ACBD6: variants seen among roughly 807,000 people sequenced by gnomAD.
The protein encoded by ACBD6 is acyl-CoA-binding domain-containing protein 6.
In ACBD6, 28 loss-of-function variants were observed where a neutral mutation model predicts 37.2. That is an observed-to-expected ratio of 0.75 (90% CI 0.56 to 1.03). The LOEUF is 1.03. ACBD6 is among the 50% of genes least tolerant of loss of function. The pLI is 0.00. For missense variants in ACBD6, 340 were observed against 337.4 expected, an observed-to-expected ratio of 1.01 and a Z score of -0.06; for synonymous variants, 113 against 126.8, an observed-to-expected ratio of 0.89 and a Z score of 0.73.
At chr1:180,496,785 A>G in intron 1 of ACBD6, among the ~76,000 whole-genome samples, 1 of 152,210 alleles carries the variant, frequency 6.6e-6, no homozygotes, top group East Asian at 1.9e-4. Context: ...TAGAGAGAAG[A>G]AAGGGTGAAA....
chr1:180,359,312 T>G (rs937856345), intron 6 of ACBD6, among the ~76,000 whole-genome samples: 2 of 152,126 alleles, frequency 1.3e-5, no homozygotes, highest in Admixed American at 6.5e-5. Context: ...ACAGTGCCAA[T>G]AAATAAAACA....
chr1:180,374,832 C>G (rs904015292), intron 6 of ACBD6, among the ~76,000 whole-genome samples: 2 of 151,952 alleles, frequency 1.3e-5, no homozygotes, highest in Non-Finnish European at 2.9e-5. Flanking sequence ...CTAAAAACCT[C>G]AAACATATGA....
At chr1:180,478,218 AT>A (rs1284752320) in intron 3 of ACBD6, among the ~76,000 whole-genome samples, 1 of 152,212 alleles carries the variant, frequency 6.6e-6, no homozygotes, top group South Asian at 2.1e-4. Flanking sequence ...ATTAAAATGT[AT>A]TTTTATTTAT....
At chr1:180,313,493 T>G (rs1650671769) in intron 7 of ACBD6, among the ~76,000 whole-genome samples, 1 of 152,146 alleles carries the variant, frequency 6.6e-6, no homozygotes, top group African/African-American at 2.4e-5. Flanking sequence ...CTTAGTTGAT[T>G]TTTTAGCTTG....
At chr1:180,497,281 T>C (rs1049097143) in intron 1 of ACBD6, among the ~76,000 whole-genome samples, 7 of 152,184 alleles carry the variant, frequency 4.6e-5, no homozygotes, top group African/African-American at 1.4e-4. Flanking sequence ...GGCTAAACAT[T>C]ATACATGGCC....
rs1416260630 is a variant in ACBD6 at position 180,383,586 on chromosome 1, C to T, written c.663+13930G>A. On this transcript the variant is annotated intron_variant, in intron 6 of 7. Transcript: ENST00000367595. ...AGTTAGAAGAATACTGTTTAAATGA[C>T]CACACTGCCCAAAGTAATCTACAGA... Among the ~76,000 whole-genome samples the T allele has an allele frequency of 2.6e-5, 4 of 152,212 alleles. No individual in the cohort carries two copies. The East Asian group carries it at 7.7e-4, about 29-fold the overall frequency.
chr1:180,332,786 T>G lies in ACBD6; in HGVS notation c.664-18064A>C, dbSNP rs191646615. On this transcript the variant is annotated intron_variant, in intron 6 of 7. Coordinates refer to ENST00000367595, the MANE Select transcript of ACBD6 (RefSeq NM_032360.4). ...CCTGAAACCATCCCCCTGACCCCAG[T>G]CCATGGTAAAATTGTCTTCCACGAA... 2.6e-5 allele frequency among the ~76,000 whole-genome samples: 4 copies of G among 152,264 alleles called. No homozygotes were observed. The East Asian group carries it at 7.7e-4, about 29-fold the overall frequency.
At position 180,413,355 on chromosome 1, in the gene ACBD6, GT is replaced by G; in HGVS notation, c.573+10del. 1 of 1,605,474 alleles carries G rather than the reference GT, an allele frequency of 6.2e-7. No individual in the cohort carries two copies. The highest frequency in any genetic ancestry group is 1.3e-5 in the African/African-American group (1 of 74,816). On this transcript the variant is annotated intron_variant, in intron 5 of 7. Coordinates refer to ENST00000367595, the MANE Select transcript of ACBD6 (RefSeq NM_032360.4). Reference sequence around the variant, plus strand: ...CATAGGAAAATAATTAACAGGGCATGTTTTTCATACCTCTTCATCTTTCACA... The same window carrying G: ...CATAGGAAAATAATTAACAGGGCATGTTTTCATACCTCTTCATCTTTCACA...
intron 6 of ACBD6, among the ~76,000 whole-genome samples, chr1:180,394,586 G>C (rs1654194671): frequency 6.6e-6 from 1 of 152,142 alleles, no homozygotes; most frequent in Non-Finnish European, 1.5e-5. Flanking sequence ...ACTTAAAACA[G>C]TGTAGCACAA....
chr1:180,408,628 C>G (rs1647726276), intron 5 of ACBD6, among the ~76,000 whole-genome samples: 1 of 151,868 alleles, frequency 6.6e-6, no homozygotes, highest in South Asian at 2.1e-4. Flanking sequence ...TGTAACTAAC[C>G]TGCACATTGT....
At chr1:180,415,737 C>T (rs1385000525) in intron 4 of ACBD6, among the ~76,000 whole-genome samples, 2 of 152,200 alleles carry the variant, frequency 1.3e-5, no homozygotes. Flanking sequence ...TTTGGAGTGG[C>T]CCCTCTTCCT....
intron 4 of ACBD6, among the ~76,000 whole-genome samples, chr1:180,424,410 A>G (rs1231261509): frequency 6.6e-6 from 1 of 152,214 alleles, no homozygotes; most frequent in East Asian, 1.9e-4. Flanking sequence ...CTCATACCCT[A>G]CGTGTCAATT....
At chr1:180,421,908 T>C (rs4652501) in intron 4 of ACBD6, among the ~76,000 whole-genome samples, 149,058 of 152,246 alleles carry the variant, frequency 0.98, 72,987 homozygotes, top group African/African-American at 0.99. Context: ...TGAGAAGAAG[T>C]TGTTTCTCCT....
Position 180,316,820 on chromosome 1 carries a change from T to C in ACBD6, c.664-2098A>G, listed in dbSNP as rs1236069411. Reference sequence around the variant, plus strand: ...GAGGTCTCTAATGTTATAAATCTTATGTTGTAGTGGCTAGGGAATCAATAA... The same window carrying C: ...GAGGTCTCTAATGTTATAAATCTTACGTTGTAGTGGCTAGGGAATCAATAA... On this transcript the variant is annotated intron_variant, in intron 6 of 7. Transcript: ENST00000367595. Among the ~76,000 whole-genome samples the C allele has an allele frequency of 2.0e-5, 3 of 152,332 alleles. No homozygotes were observed. In the East Asian group the frequency reaches 5.8e-4, roughly 29 times the overall value.
intron 6 of ACBD6, among the ~76,000 whole-genome samples, chr1:180,368,337 C>G (rs964297258): frequency 2.6e-5 from 4 of 152,100 alleles, no homozygotes; most frequent in Non-Finnish European, 5.9e-5. Context: ...TGTCTATTTA[C>G]TCTGTTGACA....
intron 7 of ACBD6, among the ~76,000 whole-genome samples, chr1:180,293,656 C>T (rs1649803665): frequency 6.6e-6 from 1 of 152,116 alleles, no homozygotes; most frequent in African/African-American, 2.4e-5. Flanking sequence ...GTAATCAAGG[C>T]CTGGAAATCT....
At chr1:180,478,781 G>A (rs1255567999) in intron 3 of ACBD6, among the ~76,000 whole-genome samples, 1 of 152,020 alleles carries the variant, frequency 6.6e-6, no homozygotes, top group Non-Finnish European at 1.5e-5. Context: ...ACCACACCCA[G>A]CCTATAAATC....
intron 9 of ACBD6, chr1:180,278,458 T>C (rs527714129): frequency 3.9e-5 from 6 of 152,276 alleles, no homozygotes; most frequent in Admixed American, 3.9e-4. Context: ...ATCCACACTC[T>C]GCTTGGTAGG....
intron 6 of ACBD6, among the ~76,000 whole-genome samples, chr1:180,374,823 TA>T (rs1653377454): frequency 6.6e-6 from 1 of 152,134 alleles, no homozygotes; most frequent in Admixed American, 6.6e-5. Context: ...ATTAGAGATC[TA>T]AAAACCTCAA....
Sources: allele counts gnomAD v4.1 joint callset (sites outside exome capture counted in the v4.1 genomes callset), GRCh38; gene constraint gnomAD v4.1.1; transcripts MANE v1.5; gene names NCBI Gene and HGNC (gene_info 2026-07-23, HGNC 2026-07-21).